NT5C2: variants seen among roughly 807,000 people sequenced by gnomAD.
NT5C2 encodes the protein cytosolic purine 5'-nucleotidase.
Under a neutral mutation model 76.1 loss-of-function variants are expected in NT5C2, and 58 were observed. The ratio of observed to expected loss-of-function variants is 0.76; its 90% confidence interval spans 0.62 to 0.95. The LOEUF is 0.95. Ranked by LOEUF, NT5C2 falls within the 40% of genes least tolerant of loss-of-function variation. The pLI, the probability that NT5C2 is intolerant of heterozygous loss-of-function variation, is 0.00. For synonymous variants in NT5C2, 229 were observed against 237.4 expected (o/e 0.96, Z 0.32); for missense variants, 478 against 690.3 (o/e 0.69, Z 3.45).
intron 3 of NT5C2, among the ~76,000 whole-genome samples, chr10:103,152,989 A>T (rs1287292069): frequency 6.6e-6 from 1 of 152,226 alleles, no homozygotes; most frequent in Non-Finnish European, 1.5e-5. Context: ...GTTTGCTTCC[A>T]ATCTTGATAA....
intron 1 of NT5C2, among the ~76,000 whole-genome samples, chr10:103,185,664 G>GA (rs2091926461): frequency 2.3e-5 from 3 of 128,312 alleles, no homozygotes; most frequent in South Asian, 2.4e-4. Flanking sequence ...AAAAAAAAAA[G>GA]GAAAAAAAAA....
rs2067482504 is a variant in NT5C2, at chr10:103,093,765, T to G, written c.988+207A>C. 5.1e-5 allele frequency: 26 copies of G among 513,434 alleles called. No individual in the cohort carries two copies. In the South Asian group the frequency reaches 8.8e-4, roughly 17 times the overall value. The allele number at this position is 513,434 out of a possible 1,614,324, so 31.8% of individuals were successfully genotyped here. Reference sequence around the variant, plus strand: ...GGATTTAAAAAAAAAACTGATCATTTTAGTGAAAATCAGATTCATTAGGAT... The same window carrying G: ...GGATTTAAAAAAAAAACTGATCATTGTAGTGAAAATCAGATTCATTAGGAT... On this transcript the variant is annotated intron_variant, in intron 14 of 18. Transcript: ENST00000404739.
In NT5C2 at chr10:103,089,549, T is replaced by C; in HGVS notation, c.*123A>G. ...TGATAATAAAATCTTCAGAAACTTT[T>C]CAGACGTACCTTTCATGGAGCCCCC... On this transcript the variant is annotated 3_prime_UTR_variant, in exon 19 of 19. Coordinates refer to ENST00000404739, the MANE Select transcript of NT5C2 (RefSeq NM_001351169.2). 6 of 1,418,374 alleles carry C rather than the reference T, an allele frequency of 4.2e-6. No individual in the cohort carries two copies. Among genetic ancestry groups the C allele is most frequent in the Non-Finnish European group, 5.5e-6 (6 of 1,082,908 alleles). 87.9% of individuals were successfully genotyped at this position (1,418,374 alleles called of 1,614,324 possible).
intron 1 of NT5C2, among the ~76,000 whole-genome samples, chr10:103,191,399 G>C (rs111695680): frequency 2.9e-5 from 2 of 68,762 alleles, no homozygotes; most frequent in African/African-American, 1.1e-4. Flanking sequence ...AAAAAAAAAA[G>C]AGAGAGAGAG....
At chr10:103,108,920 G>A (rs564111357) in intron 4 of NT5C2, among the ~76,000 whole-genome samples, 32 of 151,546 alleles carry the variant, frequency 2.1e-4, no homozygotes, top group African/African-American at 7.3e-4. Flanking sequence ...TGCAGTGGCC[G>A]TGATCTTGAC....
At chr10:103,150,392 GTATGGA>G (rs952093874) in intron 3 of NT5C2, among the ~76,000 whole-genome samples, 33 of 152,138 alleles carry the variant, frequency 2.2e-4, no homozygotes, top group Non-Finnish European at 3.8e-4. Flanking sequence ...GTATTTCATT[GTATGGA>G]TATACCACAA....
Position 103,164,239 on chromosome 10 carries a change from G to A in NT5C2, c.101+10619C>T, listed in dbSNP as rs552969505. Among the ~76,000 whole-genome samples the A allele has an allele frequency of 1.6e-4, 24 of 152,010 alleles. No individual in the cohort carries two copies. The South Asian group carries it at 3.5e-3, about 22-fold the overall frequency. On this transcript the variant is annotated intron_variant, in intron 3 of 18. Transcript: ENST00000404739. ...CTCCATCCTGGGCAACAGTGAAATC[G>A]TGTCTCTGAAAAACAATGCTTTTTT...
chr10:103,192,527 G>A (rs779832634), intron 1 of NT5C2, among the ~76,000 whole-genome samples: 2 of 152,260 alleles, frequency 1.3e-5, no homozygotes, highest in Admixed American at 6.5e-5. Context: ...CCGAAAAAAG[G>A]AGAAGAATAG....
At chr10:103,110,430 T>G (rs1464303823) in intron 4 of NT5C2, among the ~76,000 whole-genome samples, 1 of 152,170 alleles carries the variant, frequency 6.6e-6, no homozygotes. Flanking sequence ...CACTCCAGTC[T>G]GGGCAACAGA....
chr10:103,129,506 C>A (rs2077530472), intron 4 of NT5C2, among the ~76,000 whole-genome samples: 1 of 125,988 alleles, frequency 7.9e-6, no homozygotes, highest in South Asian at 2.7e-4. Context: ...CGGCCAGCCG[C>A]CCCGTCCGGG....
At chr10:103,162,337 TAC>T (rs1268841169) in intron 3 of NT5C2, among the ~76,000 whole-genome samples, 5 of 151,736 alleles carry the variant, frequency 3.3e-5, no homozygotes, top group African/African-American at 1.2e-4. Flanking sequence ...TTTAAGAGAA[TAC>T]ACACACACAC....
In NT5C2 at chr10:103,101,291, A is replaced by T. The variant is rs1195771135; in HGVS notation, c.425T>A (p.Ile142Asn). 6.2e-7 allele frequency: 1 copy of T among 1,608,880 alleles called. No homozygotes were observed. The highest frequency in any genetic ancestry group is 8.5e-7 in the Non-Finnish European group (1 of 1,176,030). The stretch of plus-strand genomic sequence containing the variant: ...AAATCTTTCAGTATCATCTCGCTGG[A>T]TAAATTTATTTGGATACTGTTCTCT... ...ETREQYPNKF[I>N]QRDDTERFYI... is the part of the protein sequence containing the mutation. Residue 142 changes from isoleucine to asparagine, a missense_variant, in exon 7 of 19, where the codon ATC (isoleucine) becomes AAC (asparagine). Ile to Asn is a moderately radical substitution (Grantham distance 149). Transcript: ENST00000404739.
At chr10:103,125,345 C>T in intron 4 of NT5C2, 5 of 374,188 alleles carry the variant, frequency 1.3e-5, no homozygotes, top group South Asian at 1.3e-4. Flanking sequence ...TAGTAAGAAC[C>T]TGGCGTTTGC....
Position 103,139,396 on chromosome 10 carries a change from T to C in NT5C2, c.175+10A>G, listed in dbSNP as rs2079948133. 2.6e-6 allele frequency: 4 copies of C among 1,557,986 alleles called. No individual in the cohort carries two copies. Among genetic ancestry groups the C allele is most frequent in the African/African-American group, 1.4e-5 (1 of 73,272 alleles). ...CAGCAGTTCTTAAGCAATCAGAAAT[T>C]GCTACTCACCAGCAAGGGTATAATC... On this transcript the variant is annotated intron_variant, in intron 4 of 18. Coordinates refer to ENST00000404739, the MANE Select transcript of NT5C2 (RefSeq NM_001351169.2).
intron 3 of NT5C2, among the ~76,000 whole-genome samples, chr10:103,165,751 AACCTCC>A (rs1369596438): frequency 6.6e-6 from 1 of 150,432 alleles, no homozygotes; most frequent in African/African-American, 2.5e-5. Flanking sequence ...GGCTCACTGT[AACCTCC>A]GCCTCCCAGG....
intron 1 of NT5C2, among the ~76,000 whole-genome samples, chr10:103,184,077 C>T (rs2091692065): frequency 6.6e-6 from 1 of 151,952 alleles, no homozygotes; most frequent in Non-Finnish European, 1.5e-5. Flanking sequence ...GTCAGCCTCC[C>T]AAGTAGCTGG....
chr10:103,176,051 G>A, intron 2 of NT5C2: 1 of 179,224 alleles, frequency 5.6e-6, no homozygotes, highest in Non-Finnish European at 1.2e-5. Context: ...CACTCCCTTG[G>A]GGCAGAGAGT....
rs1391529835 is a variant in NT5C2, at chr10:103,129,021, G to C, written c.175+10385C>G. Among the ~76,000 whole-genome samples, 4 of 116,608 alleles carry C rather than the reference G, an allele frequency of 3.4e-5. No homozygotes were observed. The South Asian group carries it at 9.2e-4, about 27-fold the overall frequency. 76.5% of individuals were successfully genotyped at this position (116,608 alleles called of 152,430 possible). A position where few individuals can be genotyped will look rare whatever the true frequency, so the allele number is the denominator to read the frequency against. ...CCGGCCAGCCGCCCCATCTGGGAGGGAGGTGGGGGGTCAGCCCCCCCGACC... is the reference window on the plus strand; with the variant it reads ...CCGGCCAGCCGCCCCATCTGGGAGGCAGGTGGGGGGTCAGCCCCCCCGACC... On this transcript the variant is annotated intron_variant, in intron 4 of 18. Transcript: ENST00000404739.
intron 3 of NT5C2, among the ~76,000 whole-genome samples, chr10:103,151,408 G>A (rs2082370667): frequency 6.6e-6 from 1 of 150,618 alleles, no homozygotes; most frequent in African/African-American, 2.4e-5. Flanking sequence ...AGGTTGCGGT[G>A]AGCCAAGATT....
Sources: allele counts gnomAD v4.1 joint callset (sites outside exome capture counted in the v4.1 genomes callset), GRCh38; gene constraint gnomAD v4.1.1; transcripts MANE v1.5; gene names NCBI Gene and HGNC (gene_info 2026-07-23, HGNC 2026-07-21).